Variants in NVL observed in about 807,000 individuals in gnomAD.
NVL encodes nuclear VCP like.
Under a neutral mutation model 110.2 loss-of-function variants are expected in NVL, and 84 were observed. The observed-to-expected ratio is 0.76, with a 90% CI of 0.64 to 0.91. The LOEUF (loss-of-function observed/expected upper bound fraction) is 0.91. Among genes scored for constraint, NVL ranks in the 40% least tolerant of loss-of-function variants. The pLI, the probability that NVL is intolerant of heterozygous loss-of-function variation, is 0.00. For missense variants in NVL, 882 were observed against 1,035.9 expected (o/e 0.85, Z 2.04); for synonymous variants, 354 against 361.1 (o/e 0.98, Z 0.22).
intron 19 of NVL, among the ~76,000 whole-genome samples, chr1:224,247,505 C>G (rs1208226564): frequency 2.0e-5 from 3 of 151,966 alleles, no homozygotes; most frequent in Non-Finnish European, 4.4e-5. Context: ...CCCGTCTCTA[C>G]TAAAAATACA....
intron 18 of NVL, among the ~76,000 whole-genome samples, chr1:224,264,937 C>A (rs1418718403): frequency 6.6e-6 from 1 of 151,888 alleles, no homozygotes; most frequent in African/African-American, 2.4e-5. Flanking sequence ...TTAGTAGAGA[C>A]GGGGTTTCAC....
In NVL at chr1:224,330,090, A is replaced by C. The variant is rs778502158; in HGVS notation, c.38T>G (p.Leu13Arg). The C allele has an allele frequency of 6.2e-7, 1 of 1,614,036 alleles. No individual in the cohort carries two copies. The highest frequency in any genetic ancestry group is 1.1e-5 in the South Asian group (1 of 91,080). The change falls in exon 1 of 23, where the codon CTC (leucine) becomes CGC (arginine). Residue 13 changes from leucine (L) to arginine (R), a missense_variant. Transcript: ENST00000281701. The part of the protein sequence containing the change: ...PRPAGFVDNK[L>R]KQRVIQYLTS... ...ACACACCTGGATGACTCGCTGCTTGAGTTTATTATCCACGAACCCTGCAGG... is the reference window on the plus strand; with the variant it reads ...ACACACCTGGATGACTCGCTGCTTGCGTTTATTATCCACGAACCCTGCAGG...
intron 14 of NVL, 42 bp from the exon 15 acceptor site, chr1:224,286,172 T>C: frequency 7.2e-7 from 1 of 1,398,002 alleles, no homozygotes; most frequent in African/African-American, 1.4e-5. Context: ...ACATGTCCAT[T>C]TTATACTGCA....
intron 18 of NVL, 128 bp downstream of exon 18, chr1:224,267,906 A>C (rs908985391): frequency 3.1e-6 from 2 of 640,286 alleles, no homozygotes; most frequent in Non-Finnish European, 5.3e-6. Flanking sequence ...CTTTCCTAGG[A>C]TGCATGTGAA....
At chr1:224,274,303 A>G (rs376394688) in intron 17 of NVL, among the ~76,000 whole-genome samples, 2 of 151,942 alleles carry the variant, frequency 1.3e-5, no homozygotes, top group East Asian at 1.9e-4. Context: ...CAACAACAAC[A>G]AAAAGAAATG....
intron 18 of NVL, among the ~76,000 whole-genome samples, chr1:224,264,659 A>G (rs1193426506): frequency 2.6e-5 from 4 of 152,252 alleles, no homozygotes; most frequent in Non-Finnish European, 5.9e-5. Flanking sequence ...TAAGCAATCA[A>G]AACAATGTCA....
chr1:224,267,846 T>C (rs1474193981), intron 18 of NVL, among the ~76,000 whole-genome samples, 188 bp downstream of exon 18: 3 of 152,202 alleles, frequency 2.0e-5, no homozygotes, highest in Non-Finnish European at 4.4e-5. Context: ...ATTTCAACTA[T>C]GAAGTTTCCT....
At chr1:224,307,698 C>CAAA (rs11366790) in intron 6 of NVL, among the ~76,000 whole-genome samples, 11 of 67,442 alleles carry the variant, frequency 1.6e-4, no homozygotes, top group African/African-American at 3.5e-4. Context: ...GACCCAGTCT[C>CAAA]AAAAAAAAAA....
At chr1:224,322,672 C>T (rs1368789393) in intron 2 of NVL, among the ~76,000 whole-genome samples, 2 of 151,936 alleles carry the variant, frequency 1.3e-5, no homozygotes, top group Admixed American at 6.6e-5. Flanking sequence ...ATATGGACAC[C>T]GCAGGGCGTG....
intron 18 of NVL, among the ~76,000 whole-genome samples, chr1:224,258,185 A>G (rs887031454): frequency 3.3e-5 from 5 of 152,246 alleles, no homozygotes; most frequent in African/African-American, 1.2e-4. Context: ...AGAACAAAGA[A>G]CTCTTACTAC....
intron 18 of NVL, 86 bp from the exon 19 acceptor site, chr1:224,250,404 TC>T (rs1426818545): frequency 4.7e-5 from 59 of 1,251,136 alleles, no homozygotes; most frequent in Middle Eastern, 3.0e-4. Context: ...TTGTTCCATC[TC>T]CCAGGCTGGA....
intron 4 of NVL, among the ~76,000 whole-genome samples, chr1:224,316,983 T>C (rs893537237): frequency 3.3e-5 from 5 of 151,634 alleles, no homozygotes; most frequent in African/African-American, 1.2e-4. Flanking sequence ...ACCAAAAATA[T>C]AAAAAATTAG....
chr1:224,250,909 G>C (rs1312436779), intron 18 of NVL, among the ~76,000 whole-genome samples: 4 of 151,962 alleles, frequency 2.6e-5, no homozygotes, highest in Non-Finnish European at 5.9e-5. Context: ...CGCCCTTCTC[G>C]GCCTCCCAAA....
intron 18 of NVL, among the ~76,000 whole-genome samples, chr1:224,256,029 G>T (rs1663184531): frequency 6.6e-6 from 1 of 152,080 alleles, no homozygotes; most frequent in African/African-American, 2.4e-5. Flanking sequence ...CAACTATCTA[G>T]ATATGCATAG....
Position 224,309,072 on chromosome 1 carries a change from A to C in NVL, c.343-809T>G, listed in dbSNP as rs1211324213. Among the ~76,000 whole-genome samples the C allele has an allele frequency of 9.9e-4, 150 of 151,104 alleles. 1 individual carries two copies. The highest frequency in any genetic ancestry group is 2.9e-3 in the South Asian group (14 of 4,766). Reference sequence around the variant, plus strand: ...CGGGACTCTGTCTCAACAAAAAAAAAAAAAAAAAAAGACTTCACTCCATTC... The same window carrying C: ...CGGGACTCTGTCTCAACAAAAAAAACAAAAAAAAAAGACTTCACTCCATTC... On this transcript the variant is annotated intron_variant, in intron 5 of 22. Coordinates refer to ENST00000281701, the MANE Select transcript of NVL (RefSeq NM_002533.4).
At chr1:224,280,692 A>C (rs757889231) in intron 16 of NVL, among the ~76,000 whole-genome samples, 2 of 152,214 alleles carry the variant, frequency 1.3e-5, no homozygotes, top group Non-Finnish European at 2.9e-5. Flanking sequence ...TTTCACAGAG[A>C]GGGACAAAAA....
intron 19 of NVL, among the ~76,000 whole-genome samples, chr1:224,244,823 G>A (rs1661628022): frequency 6.6e-6 from 1 of 152,014 alleles, no homozygotes; most frequent in Admixed American, 6.6e-5. Context: ...GAGTAGCCGG[G>A]ACTACAGGCA....
At position 224,238,357 on chromosome 1, in the gene NVL, G is replaced by A. The variant is rs139091682; in HGVS notation, c.2290-1775C>T. Among the ~76,000 whole-genome samples the A allele has an allele frequency of 2.5e-3, 378 of 152,226 alleles. 2 individuals carry two copies. The highest frequency in any genetic ancestry group is 8.4e-3 in the African/African-American group (351 of 41,558). The stretch of plus-strand genomic sequence containing the variant: ...CAGTAAGCTTTTCTTAGTGTAAAAC[G>A]TCAGCCTGGCAAAGTGCTCCAGGCA... On this transcript the variant is annotated intron_variant, in intron 19 of 22. Coordinates refer to ENST00000281701, the MANE Select transcript of NVL (RefSeq NM_002533.4).
intron 16 of NVL, among the ~76,000 whole-genome samples, chr1:224,276,938 CATAAAACT>C (rs1665824117): frequency 2.5e-5 from 1 of 39,788 alleles, no homozygotes; most frequent in Non-Finnish European, 5.3e-5. Context: ...TTTTATGACA[CATAAAACT>C]AGTTTTATGA....
Sources: allele counts gnomAD v4.1 joint callset (sites outside exome capture counted in the v4.1 genomes callset), GRCh38; gene constraint gnomAD v4.1.1; transcripts MANE v1.5; gene names NCBI Gene and HGNC (gene_info 2026-07-23, HGNC 2026-07-21).